The following TENT4A variants were observed in gnomAD, a reference collection of about 807,000 sequenced individuals.
TENT4A encodes the protein DNA polymerase kappa.
In TENT4A, 7 loss-of-function variants were observed where a neutral mutation model predicts 72.8. The observed-to-expected ratio is 0.10, with a 90% CI of 0.05 to 0.18. The LOEUF (loss-of-function observed/expected upper bound fraction) is 0.18, where lower values mean the gene tolerates loss of function less well. TENT4A is among the 10% of genes least tolerant of loss of function. The pLI is 1.00. For synonymous variants in TENT4A, 456 were observed against 434.3 expected, an observed-to-expected ratio of 1.05 and a Z score of -0.62; for missense variants, 831 against 1,017.7, an observed-to-expected ratio of 0.82 and a Z score of 2.50.
intron 1 of TENT4A, among the ~76,000 whole-genome samples, chr5:6,716,172 A>G (rs1340638653): frequency 6.6e-6 from 1 of 152,150 alleles, no homozygotes; most frequent in Non-Finnish European, 1.5e-5. Context: ...TGTTTCCTCC[A>G]GGTAACTCTA....
intron 7 of TENT4A, among the ~76,000 whole-genome samples, chr5:6,746,634 T>C (rs1452911547): frequency 6.6e-6 from 1 of 152,248 alleles, no homozygotes; most frequent in Non-Finnish European, 1.5e-5. Context: ...ACTGTTTACA[T>C]TCTATAATAA....
At chr5:6,732,735 TA>T (rs966040365) in intron 1 of TENT4A, among the ~76,000 whole-genome samples, 1 of 151,972 alleles carries the variant, frequency 6.6e-6, no homozygotes, top group Non-Finnish European at 1.5e-5. Context: ...AAAAATTCAC[TA>T]AAAAAAACCT....
chr5:6,755,599 A>G lies in TENT4A; in HGVS notation c.*654A>G, dbSNP rs770389105. On this transcript the variant is annotated 3_prime_UTR_variant, in exon 13 of 13. Coordinates refer to ENST00000230859, the MANE Select transcript of TENT4A (RefSeq NM_006999.6). The stretch of plus-strand genomic sequence containing the variant: ...GGCTGGTTGTCTGACGAGCATCGTT[A>G]CAAACACCATGATGAGGGGTTTGGG... The G allele has an allele frequency of 1.3e-5, 2 of 152,506 alleles. No individual in the cohort carries two copies. The highest frequency in any genetic ancestry group is 6.5e-5 in the Admixed American group (1 of 15,276). 9.4% of individuals were successfully genotyped at this position (152,506 alleles called of 1,614,324 possible). A position where few individuals can be genotyped will look rare whatever the true frequency, so the allele number is the denominator to read the frequency against.
rs1474688559 is a variant in TENT4A at position 6,755,754 on chromosome 5, G to C, written c.*809G>C. On this transcript the variant is annotated 3_prime_UTR_variant, in exon 13 of 13. Coordinates refer to ENST00000230859, the MANE Select transcript of TENT4A (RefSeq NM_006999.6). ...CCGTGGCCCTGCTGTCGGGCCCCAG[G>C]CCGTTGTCCTGCTCTGACCACAGAG... 1 of 152,266 alleles carries C rather than the reference G, an allele frequency of 6.6e-6. No homozygotes were observed. The highest frequency in any genetic ancestry group is 2.1e-4 in the South Asian group (1 of 4,832). The allele number at this position is 152,266 out of a possible 1,614,324, so 9.4% of individuals were successfully genotyped here.
In TENT4A at chr5:6,756,186, C is replaced by T. The variant is rs771493733; in HGVS notation, c.*1241C>T. 1 of 152,668 alleles carries T rather than the reference C, an allele frequency of 6.6e-6. No individual in the cohort carries two copies. The highest frequency in any genetic ancestry group is 1.5e-5 in the Non-Finnish European group (1 of 68,070). 9.5% of individuals were successfully genotyped at this position (152,668 alleles called of 1,614,324 possible). ...GCTGGCGCCCGACGTCGGAAGCATA[C>T]AGGTATACTATGCAAGTGTATTCTG... On this transcript the variant is annotated 3_prime_UTR_variant, in exon 13 of 13. Coordinates refer to ENST00000230859, the MANE Select transcript of TENT4A (RefSeq NM_006999.6).
At chr5:6,749,256 C>T (rs575270360) in intron 8 of TENT4A, among the ~76,000 whole-genome samples, 5 of 152,210 alleles carry the variant, frequency 3.3e-5, no homozygotes, top group Admixed American at 6.5e-5. Context: ...CATTCTCGTC[C>T]GTGCAGTGGG....
At chr5:6,746,517 C>CAACACA in intron 7 of TENT4A, 90 bp downstream of exon 7, 2 of 1,188,892 alleles carry the variant, frequency 1.7e-6, no homozygotes, top group Non-Finnish European at 2.4e-6. Flanking sequence ...CTGAGAGCCC[C>CAACACA]GGGCAGTTCA....
At chr5:6,728,856 A>G (rs187756315) in intron 1 of TENT4A, among the ~76,000 whole-genome samples, 2 of 152,374 alleles carry the variant, frequency 1.3e-5, no homozygotes, top group Non-Finnish European at 2.9e-5. Flanking sequence ...TTATTGAAGA[A>G]AATTTGGAAA....
chr5:6,724,332 A>T (rs1406846086), intron 1 of TENT4A, among the ~76,000 whole-genome samples: 1 of 152,222 alleles, frequency 6.6e-6, no homozygotes, highest in African/African-American at 2.4e-5. Context: ...CATCGTCTCT[A>T]AACTTATGTA....
In TENT4A at chr5:6,755,802, TC is replaced by T. The variant is rs1742663193; in HGVS notation, c.*858del. 1 of 152,272 alleles carries T rather than the reference TC, an allele frequency of 6.6e-6. No individual in the cohort carries two copies. The highest frequency in any genetic ancestry group is 1.5e-5 in the Non-Finnish European group (1 of 68,056). The allele number at this position is 152,272 out of a possible 1,614,324, so 9.4% of individuals were successfully genotyped here. A position where few individuals can be genotyped will look rare whatever the true frequency, so the allele number is the denominator to read the frequency against. ...GAGTTTTAATGTTTTGGTTTTCACT[TC>T]TTTTAAACTGGACAACAAATCCAGC... On this transcript the variant is annotated 3_prime_UTR_variant, in exon 13 of 13. Coordinates refer to ENST00000230859, the MANE Select transcript of TENT4A (RefSeq NM_006999.6).
At position 6,714,718 on chromosome 5, in the gene TENT4A, C is replaced by T. The variant is rs936675334; in HGVS notation, c.716+19C>T. 1 of 1,172,096 alleles carries T rather than the reference C, an allele frequency of 8.5e-7. No homozygotes were observed. The highest frequency in any genetic ancestry group is 1.6e-5 in the African/African-American group (1 of 62,400). The allele number at this position is 1,172,096 out of a possible 1,614,324, so 72.6% of individuals were successfully genotyped here. A position where few individuals can be genotyped will look rare whatever the true frequency, so the allele number is the denominator to read the frequency against. On this transcript the variant is annotated intron_variant, in intron 1 of 12. Coordinates refer to ENST00000230859, the MANE Select transcript of TENT4A (RefSeq NM_006999.6). ...TCCAGGGGTGAGTGCGCGGGGAGGC[C>T]GCGGGGGCGGGGGCGGGGCCCATGG...
In TENT4A at chr5:6,743,936, C is replaced by G; in HGVS notation, c.1245+96C>G. On this transcript the variant is annotated intron_variant, in intron 6 of 12. Coordinates refer to ENST00000230859, the MANE Select transcript of TENT4A (RefSeq NM_006999.6). Reference sequence around the variant, plus strand: ...AGTGGGTTCCAGCAGCCTTTGCTCTCCTTTTACTGTATTGTTTCAATTTGG... The same window carrying G: ...AGTGGGTTCCAGCAGCCTTTGCTCTGCTTTTACTGTATTGTTTCAATTTGG... 5.5e-6 allele frequency: 6 copies of G among 1,083,448 alleles called. No individual in the cohort carries two copies. The South Asian group carries it at 7.5e-5, about 14-fold the overall frequency. The allele number at this position is 1,083,448 out of a possible 1,614,324, so 67.1% of individuals were successfully genotyped here.
chr5:6,720,602 A>G (rs412643), intron 1 of TENT4A, among the ~76,000 whole-genome samples: 89,241 of 151,128 alleles, frequency 0.59, 27,090 homozygotes, highest in Non-Finnish European at 0.67. Flanking sequence ...TTTGAACTGG[A>G]GAGTTGGAGG....
At chr5:6,716,185 C>G (rs1042702834) in intron 1 of TENT4A, among the ~76,000 whole-genome samples, 1 of 152,164 alleles carries the variant, frequency 6.6e-6, no homozygotes, top group African/African-American at 2.4e-5. Flanking sequence ...TAACTCTAGT[C>G]AGGCTCAGTA....
chr5:6,727,101 CCTTACTCGGTGTTT>C (rs1740970717), intron 1 of TENT4A, among the ~76,000 whole-genome samples: 3 of 152,240 alleles, frequency 2.0e-5, no homozygotes, highest in African/African-American at 7.2e-5. Context: ...CTCGATGTGT[CCTTACTCGGTGTTT>C]CTGTGGAGCA....
chr5:6,717,107 C>T (rs757029830), intron 1 of TENT4A, among the ~76,000 whole-genome samples: 16 of 152,232 alleles, frequency 1.1e-4, no homozygotes, highest in Admixed American at 2.6e-4. Context: ...TCCACATGGC[C>T]TGTTGGTCCT....
chr5:6,739,908 T>A, intron 4 of TENT4A, 56 bp downstream of exon 4: 1 of 1,578,930 alleles, frequency 6.3e-7, no homozygotes, highest in Non-Finnish European at 8.7e-7. Context: ...ACATCCCAGG[T>A]GGTCACAGGA....
intron 1 of TENT4A, among the ~76,000 whole-genome samples, chr5:6,733,303 C>T (rs1208072554): frequency 1.3e-5 from 2 of 152,248 alleles, no homozygotes; most frequent in Non-Finnish European, 2.9e-5. Flanking sequence ...CGCCTCTTGG[C>T]TGGCACTGCT....
At chr5:6,722,184 C>T (rs1047855933) in intron 1 of TENT4A, among the ~76,000 whole-genome samples, 1 of 152,122 alleles carries the variant, frequency 6.6e-6, no homozygotes, top group Non-Finnish European at 1.5e-5. Flanking sequence ...AGTTTCCCCC[C>T]CTGTGAAGCA....
Sources: allele counts gnomAD v4.1 joint callset (sites outside exome capture counted in the v4.1 genomes callset), GRCh38; gene constraint gnomAD v4.1.1; transcripts MANE v1.5; gene names NCBI Gene and HGNC (gene_info 2026-07-23, HGNC 2026-07-21).